The following PHYHIPL variants were observed in gnomAD, a reference collection of about 807,000 sequenced individuals.
The protein encoded by PHYHIPL is phytanoyl-CoA hydroxylase-interacting protein-like.
A neutral mutation model predicts 33.4 loss-of-function variants in PHYHIPL; 9 were observed. The observed-to-expected ratio is 0.27, with a 90% CI of 0.16 to 0.47. PHYHIPL has a LOEUF of 0.47. Among genes scored for constraint, PHYHIPL ranks in the 20% least tolerant of loss-of-function variants. The pLI is 0.99. For missense variants in PHYHIPL, 365 were observed against 460.7 expected (o/e 0.79, Z 1.90); for synonymous variants, 153 against 154.1 (o/e 0.99, Z 0.05).
At chr10:59,175,270 T>C (rs908182385), upstream of PHYHIPL, among the ~76,000 whole-genome samples, 5 of 152,252 alleles carry the variant, frequency 3.3e-5, no homozygotes, top group African/African-American at 4.8e-5. Context: ...CTTTTCACTT[T>C]AAGATGCCTA....
intron 1 of PHYHIPL, among the ~76,000 whole-genome samples, chr10:59,228,931 A>G (rs1362258257): frequency 6.6e-6 from 1 of 152,164 alleles, no homozygotes; most frequent in African/African-American, 2.4e-5. Context: ...AAGAAAAATT[A>G]TTCATTGTTT....
At chr10:59,213,720 A>G (rs567858648) in intron 1 of PHYHIPL, among the ~76,000 whole-genome samples, 2 of 152,334 alleles carry the variant, frequency 1.3e-5, no homozygotes, top group South Asian at 4.1e-4. Context: ...TGTAAGTTAG[A>G]GTTCTTGGCT....
At chr10:59,216,789 G>T (rs749899416) in intron 1 of PHYHIPL, among the ~76,000 whole-genome samples, 11 of 152,188 alleles carry the variant, frequency 7.2e-5, no homozygotes, top group Non-Finnish European at 1.2e-4. Context: ...GGGAAGCAAA[G>T]AAATGGATTT....
intron 1 of PHYHIPL, among the ~76,000 whole-genome samples, chr10:59,215,605 G>A (rs1206748481): frequency 6.6e-6 from 1 of 151,740 alleles, no homozygotes; most frequent in African/African-American, 2.4e-5. Flanking sequence ...AACAGATAAC[G>A]ATATAAATAA....
intron 1 of PHYHIPL, among the ~76,000 whole-genome samples, chr10:59,189,171 ATC>A (rs1564702195): frequency 1.3e-5 from 2 of 152,044 alleles, no homozygotes; most frequent in African/African-American, 4.8e-5. Flanking sequence ...TCCATAGTCT[ATC>A]TCAAGCTGTC....
chr10:59,188,420 T>A (rs1838680924), intron 1 of PHYHIPL, among the ~76,000 whole-genome samples: 1 of 152,210 alleles, frequency 6.6e-6, no homozygotes, highest in African/African-American at 2.4e-5. Context: ...TGCGGTGTGG[T>A]GCTGAAAAGA....
At chr10:59,238,832 A>G in intron 4 of PHYHIPL, 127 bp downstream of exon 4, 1 of 566,982 alleles carries the variant, frequency 1.8e-6, no homozygotes, top group East Asian at 2.9e-5. Flanking sequence ...AACGATATGG[A>G]ATTTTATTTT....
chr10:59,206,207 C>G (rs1022878641), intron 1 of PHYHIPL, among the ~76,000 whole-genome samples: 1 of 152,146 alleles, frequency 6.6e-6, no homozygotes, highest in African/African-American at 2.4e-5. Context: ...TTCATGGTTT[C>G]TCATGGGTAG....
intron 1 of PHYHIPL, among the ~76,000 whole-genome samples, chr10:59,217,954 A>C (rs552246636): frequency 1.2e-4 from 19 of 152,206 alleles, no homozygotes. Context: ...TACTCTATTC[A>C]TTCATTGCTA....
Position 59,245,351 on chromosome 10 carries a change from G to A in PHYHIPL, c.891G>A (p.Lys297=). ...GATCACCAGGAGATGAATTTTGTAA[G>A]CAGCGCCTTCCTCAACTAAATTCTA... ...PVGSPGDEFC[K]QRLPQLNSKD... Residue 297 remains lysine, a synonymous_variant, in exon 5 of 5, where the codon AAG becomes AAA. Transcript: ENST00000373880. 1 of 1,614,154 alleles carries A rather than the reference G, an allele frequency of 6.2e-7. No homozygotes were observed. The highest frequency in any genetic ancestry group is 1.7e-5 in the Admixed American group (1 of 60,028).
intron 1 of PHYHIPL, among the ~76,000 whole-genome samples, chr10:59,181,059 A>T (rs1352628763): frequency 2.0e-5 from 3 of 152,154 alleles, no homozygotes; most frequent in African/African-American, 7.2e-5. Flanking sequence ...GTGTAACCTT[A>T]AATTACTTAA....
chr10:59,227,931 T>C (rs887328447), intron 1 of PHYHIPL, among the ~76,000 whole-genome samples: 1 of 150,650 alleles, frequency 6.6e-6, no homozygotes, highest in African/African-American at 2.5e-5. Flanking sequence ...GATTCACTTT[T>C]TGCTCTTCTA....
In PHYHIPL at chr10:59,238,524, T is replaced by G. The variant is rs73296198; in HGVS notation, c.479-64T>G. 4,533 of 795,690 alleles carry G rather than the reference T, an allele frequency of 5.7e-3. 158 individuals are homozygous for G. In the African/African-American group the frequency reaches 0.071, roughly 12 times the overall value. 49.3% of individuals were successfully genotyped at this position (795,690 alleles called of 1,614,324 possible). ...TGAATTTTAATAATCTTCAATTTAT[T>G]AAGTATATGGTTGGTACTTTTGGTG... is the stretch of plus-strand genomic sequence containing the variant. On this transcript the variant is annotated intron_variant, in intron 3 of 4. Transcript: ENST00000373880.
chr10:59,200,604 A>T (rs892784023), intron 1 of PHYHIPL, among the ~76,000 whole-genome samples: 1 of 151,988 alleles, frequency 6.6e-6, no homozygotes, highest in Non-Finnish European at 1.5e-5. Context: ...CCCTTTTTCT[A>T]CTGATCGGAA....
chr10:59,189,254 G>A (rs952388087), intron 1 of PHYHIPL, among the ~76,000 whole-genome samples: 1 of 151,772 alleles, frequency 6.6e-6, no homozygotes, highest in Non-Finnish European at 1.5e-5. Flanking sequence ...TAAGAACATT[G>A]AAAAAGAATT....
intron 1 of PHYHIPL, among the ~76,000 whole-genome samples, chr10:59,189,556 A>T (rs1838722288): frequency 6.6e-6 from 1 of 151,962 alleles, no homozygotes. Context: ...TTTATTATTT[A>T]TTTTTACATG....
upstream of PHYHIPL, among the ~76,000 whole-genome samples, chr10:59,173,843 C>T (rs11006394): frequency 1.8e-4 from 24 of 132,190 alleles, no homozygotes; most frequent in Middle Eastern, 5.8e-3. Flanking sequence ...ATTCTAGTTT[C>T]TTATAGCTAG....
At chr10:59,232,917 G>A (rs192933108) in intron 1 of PHYHIPL, among the ~76,000 whole-genome samples, 332 of 151,934 alleles carry the variant, frequency 2.2e-3, no homozygotes, top group Non-Finnish European at 3.8e-3. Context: ...GCCATTATAA[G>A]GATTTCACTT....
chr10:59,201,313 G>T (rs572644255), intron 1 of PHYHIPL, among the ~76,000 whole-genome samples: 92 of 152,160 alleles, frequency 6.0e-4, no homozygotes, highest in South Asian at 1.9e-3. Flanking sequence ...ATTTTGTTAT[G>T]TACCCGGTAG....
Sources: allele counts gnomAD v4.1 joint callset (sites outside exome capture counted in the v4.1 genomes callset), GRCh38; gene constraint gnomAD v4.1.1; transcripts MANE v1.5; gene names NCBI Gene and HGNC (gene_info 2026-07-23, HGNC 2026-07-21).